PHLDB3: variants seen among roughly 807,000 people sequenced by gnomAD.
PHLDB3 encodes the protein pleckstrin homology like domain family B member 3.
PHLDB3 carries 86 observed loss-of-function variants against 85.7 expected under a neutral mutation model. The observed-to-expected ratio is 1.00, with a 90% CI of 0.84 to 1.20. The LOEUF is 1.20. Ranked by LOEUF, PHLDB3 falls within the 50% of genes most tolerant of loss-of-function variation. PHLDB3 has a pLI of 0.00. For synonymous variants in PHLDB3, 376 were observed against 349.8 expected (o/e 1.07, Z -0.83); for missense variants, 995 against 873.0 (o/e 1.14, Z -1.76).
Position 43,502,279 on chromosome 19 carries a change from T to C in PHLDB3, c.218A>G (p.Glu73Gly), listed in dbSNP as rs778479575. The change falls in exon 3 of 16, where the codon GAG (glutamate) becomes GGG (glycine). Residue 73 changes from glutamate (E) to glycine (G), a missense_variant. Glu to Gly is a moderately conservative substitution (Grantham distance 98, BLOSUM62 -2). Transcript: ENST00000292140. ...SSTESSRDAP[E>G]ATPPIAMAAT... ...CGCCATAGCTATCGGAGGCGTAGCC[T>C]CGGGCTGAAGTTGAGGGGGGCGTGG... The C allele has an allele frequency of 6.4e-7, 1 of 1,555,604 alleles. No individual in the cohort carries two copies. The highest frequency in any genetic ancestry group is 1.2e-5 in the South Asian group (1 of 85,040).
At position 43,479,474 on chromosome 19, in the gene PHLDB3, G is replaced by A. The variant is rs1970995223; in HGVS notation, c.1605C>T (p.Cys535=). The part of the protein sequence containing the change: ...CPHVQVSGCC[C]RGPLVKMGGR... ...CGCCCATCTTCACCAGGGGTCCACG[G>A]CAGCAGCACCCAGACACCTGCACAT... is the stretch of plus-strand genomic sequence containing the variant. The change falls in exon 14 of 16, where the codon TGC becomes TGT. Residue 535 remains cysteine (C), a synonymous_variant. Coordinates refer to ENST00000292140, the MANE Select transcript of PHLDB3 (RefSeq NM_198850.4). 1 of 1,562,162 alleles carries A rather than the reference G, an allele frequency of 6.4e-7. No homozygotes were observed. The highest frequency in any genetic ancestry group is 8.7e-7 in the Non-Finnish European group (1 of 1,153,672).
chr19:43,477,146 T>TG (rs1310490106), intron 15 of PHLDB3, among the ~76,000 whole-genome samples: 2 of 152,202 alleles, frequency 1.3e-5, no homozygotes, highest in Non-Finnish European at 2.9e-5. Flanking sequence ...CGACCCTTGC[T>TG]GTGACCTCTC....
At chr19:43,485,850 A>G (rs1228780463) in intron 13 of PHLDB3, 41 of 746,896 alleles carry the variant, frequency 5.5e-5, no homozygotes, top group Non-Finnish European at 6.5e-5. Flanking sequence ...CACCCAGCCA[A>G]AAACAAAATT....
At chr19:43,483,973 C>T (rs1253225209) in intron 13 of PHLDB3, among the ~76,000 whole-genome samples, 2 of 151,932 alleles carry the variant, frequency 1.3e-5, no homozygotes, top group Non-Finnish European at 2.9e-5. Context: ...AAAACAAGGC[C>T]AGGCACGGTA....
Position 43,497,128 on chromosome 19 carries a change from G to C in PHLDB3, c.815C>G (p.Ala272Gly). 1.3e-6 allele frequency: 2 copies of C among 1,532,598 alleles called. No individual in the cohort carries two copies. Among genetic ancestry groups the C allele is most frequent in the South Asian group, 1.2e-5 (1 of 81,198 alleles). The allele number at this position is 1,532,598 out of a possible 1,614,324, so 94.9% of individuals were successfully genotyped here. Residue 272 changes from alanine (A) to glycine (G), a missense_variant, in exon 6 of 16, where the codon GCG becomes GGG. Physicochemically the swap from Ala to Gly is moderately conservative, Grantham distance 60. Coordinates refer to ENST00000292140, the MANE Select transcript of PHLDB3 (RefSeq NM_198850.4). ...PKVQELQASMAQHRRGALQHR... is the reference protein window; with the variant it reads ...PKVQELQASMGQHRRGALQHR... ...TCAGGCATGACTCACTCTGTGCTGC[G>C]CCATGCTGGCCTGGAGTTCCTGGAC...
chr19:43,498,255 C>T (rs1316838508), intron 4 of PHLDB3, among the ~76,000 whole-genome samples: 2 of 152,120 alleles, frequency 1.3e-5, no homozygotes, highest in African/African-American at 2.4e-5. Context: ...GGGAGGATTG[C>T]TTGAGCCAGG....
At chr19:43,492,423 C>T (rs1971341513) in intron 9 of PHLDB3, among the ~76,000 whole-genome samples, 1 of 151,972 alleles carries the variant, frequency 6.6e-6, no homozygotes, top group African/African-American at 2.4e-5. Flanking sequence ...CTCACTCTGT[C>T]GCCCAGGTCT....
At chr19:43,482,585 C>G (rs8101223) in intron 13 of PHLDB3, among the ~76,000 whole-genome samples, 11 of 152,328 alleles carry the variant, frequency 7.2e-5, no homozygotes, top group African/African-American at 2.6e-4. Context: ...GTCACCCAGG[C>G]TGGAGAGCAG....
chr19:43,476,308 AC>A, intron 15 of PHLDB3, among the ~76,000 whole-genome samples: 2 of 152,204 alleles, frequency 1.3e-5, no homozygotes, highest in South Asian at 4.1e-4. Context: ...CCTCTCAATA[AC>A]CCTGATGGAA....
chr19:43,497,058 C>T, intron 6 of PHLDB3, 60 bp downstream of exon 6: 1 of 1,349,456 alleles, frequency 7.4e-7, no homozygotes, highest in Non-Finnish European at 9.5e-7. Context: ...AAGGCAGGCA[C>T]AGAGCAGGGG....
intron 9 of PHLDB3, among the ~76,000 whole-genome samples, chr19:43,490,501 C>T (rs1971289107): frequency 2.0e-5 from 3 of 151,904 alleles, no homozygotes. Context: ...TGCAGTGAGC[C>T]AAGATCGCAC....
chr19:43,477,914 A>T, intron 15 of PHLDB3, 133 bp downstream of exon 15: 1 of 563,844 alleles, frequency 1.8e-6, no homozygotes, highest in Non-Finnish European at 3.1e-6. Context: ...TCTGCGACAA[A>T]CACGTACTCC....
At chr19:43,490,053 G>GGAAGGAAGGAAGGAAGGGAA (rs1463166482) in intron 9 of PHLDB3, among the ~76,000 whole-genome samples, 1 of 147,416 alleles carries the variant, frequency 6.8e-6, no homozygotes, top group African/African-American at 2.5e-5. Context: ...AAGGAAGGAA[G>GGAAGGAAGGAAGGAAGGGAA]GAAGGAAGGA....
intron 4 of PHLDB3, 135 bp from the exon 5 acceptor site, chr19:43,498,011 A>C: frequency 7.5e-7 from 1 of 1,330,790 alleles, no homozygotes; most frequent in Non-Finnish European, 1.0e-6. Flanking sequence ...ACTCCTGTGC[A>C]GGCCTGCCTC....
chr19:43,494,663 A>G (rs750959451), intron 9 of PHLDB3, 39 bp downstream of exon 9: 46 of 1,500,668 alleles, frequency 3.1e-5, no homozygotes, highest in Non-Finnish European at 4.1e-5. Flanking sequence ...TCACTGACCA[A>G]TAAGATATAT....
rs1971421429 is a variant in PHLDB3 at position 43,495,161 on chromosome 19, G to C, written c.1035+95C>G. Reference sequence around the variant, plus strand: ...CCTGGGTCTGAGGGAGGAGGGGCTAGGGCCTGGACTCCTGCGTCTGAGGGA... The same window carrying C: ...CCTGGGTCTGAGGGAGGAGGGGCTACGGCCTGGACTCCTGCGTCTGAGGGA... On this transcript the variant is annotated intron_variant, in intron 8 of 15. Coordinates refer to ENST00000292140, the MANE Select transcript of PHLDB3 (RefSeq NM_198850.4). The C allele has an allele frequency of 9.9e-6, 6 of 604,364 alleles. No homozygotes were observed. In the East Asian group the frequency reaches 3.1e-4, roughly 32 times the overall value. The allele number at this position is 604,364 out of a possible 1,614,324, so 37.4% of individuals were successfully genotyped here.
rs540835331 is a variant in PHLDB3 at position 43,481,958 on chromosome 19, G to C, written c.1486-2365C>G. Among the ~76,000 whole-genome samples the C allele has an allele frequency of 9.5e-4, 145 of 152,192 alleles. No homozygotes were observed. In the Middle Eastern group the frequency reaches 0.01, roughly 11 times the overall value. ...AAGGGAGGGAAAGGCCAGGTTTAAA[G>C]AGTACCCGCTGGGCCTGCAATCTCC... On this transcript the variant is annotated intron_variant, in intron 13 of 15. Coordinates refer to ENST00000292140, the MANE Select transcript of PHLDB3 (RefSeq NM_198850.4).
chr19:43,494,230 G>C (rs143080180), intron 9 of PHLDB3, among the ~76,000 whole-genome samples: 1 of 151,968 alleles, frequency 6.6e-6, no homozygotes, highest in Non-Finnish European at 1.5e-5. Context: ...GGCTGGTCTC[G>C]AACTCCTGAC....
chr19:43,488,022 C>A (rs532241780), intron 9 of PHLDB3, among the ~76,000 whole-genome samples: 1 of 152,034 alleles, frequency 6.6e-6, no homozygotes, highest in African/African-American at 2.4e-5. Context: ...GGTGTGGTGG[C>A]ACATGCCTGT....
Sources: allele counts gnomAD v4.1 joint callset (sites outside exome capture counted in the v4.1 genomes callset), GRCh38; gene constraint gnomAD v4.1.1; transcripts MANE v1.5; gene names NCBI Gene and HGNC (gene_info 2026-07-23, HGNC 2026-07-21).